The following MACROD2 variants were observed in gnomAD, a reference collection of about 807,000 sequenced individuals.
MACROD2 encodes ADP-ribose glycohydrolase MACROD2.
A neutral mutation model predicts 70.4 loss-of-function variants in MACROD2; 36 were observed. The ratio of observed to expected loss-of-function variants is 0.51; its 90% confidence interval spans 0.39 to 0.68. The LOEUF (loss-of-function observed/expected upper bound fraction) is 0.68, where lower values mean the gene tolerates loss of function less well. Among genes scored for constraint, MACROD2 ranks in the 30% least tolerant of loss-of-function variants. The pLI is 0.00. For missense variants in MACROD2, 496 were observed against 538.4 expected, an observed-to-expected ratio of 0.92 and a Z score of 0.78; for synonymous variants, 172 against 178.8, an observed-to-expected ratio of 0.96 and a Z score of 0.30.
chr20:14,374,936 T>C (rs771246146), intron 3 of MACROD2, among the ~76,000 whole-genome samples: 2 of 152,170 alleles, frequency 1.3e-5, no homozygotes, highest in Non-Finnish European at 2.9e-5. Flanking sequence ...TAGAAAATTG[T>C]GTTTGGGAAA....
rs150638628 is a variant in MACROD2 at position 15,444,846 on chromosome 20, G to A, written c.571+13411G>A. On this transcript the variant is annotated intron_variant, in intron 7 of 17. Transcript: ENST00000684519. ...TAATGTAAAATGAGGTTAATAATGA[G>A]GTTCATATAGGTAATAATGCCTATA... Among the ~76,000 whole-genome samples the A allele has an allele frequency of 2.4e-4, 37 of 152,058 alleles. 2 individuals carry two copies. In the East Asian group the frequency reaches 7.1e-3, roughly 29 times the overall value.
chr20:14,007,493 C>T (rs6110127), intron 2 of MACROD2, among the ~76,000 whole-genome samples: 26,668 of 152,016 alleles, frequency 0.18, 2,560 homozygotes, highest in South Asian at 0.23. Flanking sequence ...TTTGTGCATG[C>T]GCGTGCATGT....
At chr20:15,972,092 G>A (rs545137721) in intron 13 of MACROD2, among the ~76,000 whole-genome samples, 4 of 152,210 alleles carry the variant, frequency 2.6e-5, no homozygotes, top group African/African-American at 9.6e-5. Flanking sequence ...AATTATACTT[G>A]ATGAGAACAG....
chr20:14,762,932 AAAAC>A (rs749076636), intron 5 of MACROD2, among the ~76,000 whole-genome samples: 27 of 152,058 alleles, frequency 1.8e-4, no homozygotes, highest in Admixed American at 1.7e-3. Context: ...TCCGTCTCAA[AAAAC>A]AAACAAACAA....
chr20:16,046,124 C>T (rs955699948), intron 17 of MACROD2, among the ~76,000 whole-genome samples: 2 of 152,148 alleles, frequency 1.3e-5, no homozygotes, highest in African/African-American at 4.8e-5. Flanking sequence ...GTTCTCTACA[C>T]TTTCCTAAGA....
intron 5 of MACROD2, among the ~76,000 whole-genome samples, chr20:15,048,127 T>G (rs4814331): frequency 8.5e-6 from 1 of 117,810 alleles, no homozygotes; most frequent in Non-Finnish European, 2.0e-5. Flanking sequence ...TAATAAAAAA[T>G]TAGCCAGGTG....
intron 8 of MACROD2, among the ~76,000 whole-genome samples, chr20:15,755,668 G>A (rs1407534917): frequency 6.6e-6 from 1 of 152,138 alleles, no homozygotes; most frequent in East Asian, 1.9e-4. Flanking sequence ...TAAACTGGAA[G>A]ACCCTTGAAG....
At chr20:14,725,688 T>C (rs1457591321) in intron 5 of MACROD2, among the ~76,000 whole-genome samples, 4 of 152,038 alleles carry the variant, frequency 2.6e-5, no homozygotes, top group Non-Finnish European at 4.4e-5. Context: ...AGCAAAAAAC[T>C]GAAGCTCCAT....
At chr20:15,786,170 A>C (rs1315518225) in intron 8 of MACROD2, among the ~76,000 whole-genome samples, 2 of 151,670 alleles carry the variant, frequency 1.3e-5, no homozygotes, top group African/African-American at 2.4e-5. Flanking sequence ...TTAAAAAAAA[A>C]AAACCCAGCA....
At chr20:15,694,311 T>C (rs375527852) in intron 8 of MACROD2, among the ~76,000 whole-genome samples, 1 of 152,186 alleles carries the variant, frequency 6.6e-6, no homozygotes, top group East Asian at 1.9e-4. Context: ...ATAGTGGCTG[T>C]GCTAGTTTAC....
At chr20:15,033,827 C>A (rs1279791524) in intron 5 of MACROD2, among the ~76,000 whole-genome samples, 1 of 152,146 alleles carries the variant, frequency 6.6e-6, no homozygotes, top group African/African-American at 2.4e-5. Flanking sequence ...CATAAAATAT[C>A]CACCAGGTTT....
chr20:15,503,743 T>C (rs1001817943), intron 8 of MACROD2, among the ~76,000 whole-genome samples: 10 of 152,192 alleles, frequency 6.6e-5, no homozygotes, highest in African/African-American at 1.9e-4. Context: ...CATGACTGTG[T>C]CTGTCCATTC....
At chr20:15,491,517 G>A (rs535297615) in intron 7 of MACROD2, among the ~76,000 whole-genome samples, 2 of 152,346 alleles carry the variant, frequency 1.3e-5, no homozygotes, top group East Asian at 3.9e-4. Flanking sequence ...AAGAAAGGAA[G>A]CAAATAAAGA....
intron 13 of MACROD2, among the ~76,000 whole-genome samples, chr20:15,968,485 C>G (rs2066175722): frequency 6.6e-6 from 1 of 151,894 alleles, no homozygotes; most frequent in Admixed American, 6.6e-5. Flanking sequence ...AGGCAAAACT[C>G]AAGACTGAGG....
At chr20:14,382,913 G>GA (rs1274901338) in intron 3 of MACROD2, among the ~76,000 whole-genome samples, 1 of 151,796 alleles carries the variant, frequency 6.6e-6, no homozygotes, top group Non-Finnish European at 1.5e-5. Flanking sequence ...TGTCGTAAAA[G>GA]AAAAAAATCA....
intron 6 of MACROD2, among the ~76,000 whole-genome samples, chr20:15,288,093 G>C (rs891743607): frequency 4.6e-5 from 7 of 152,196 alleles, no homozygotes; most frequent in African/African-American, 7.2e-5. Context: ...ATTGACCACT[G>C]TATCAGTCAA....
chr20:14,792,866 A>G (rs1239437852), intron 5 of MACROD2, among the ~76,000 whole-genome samples: 1 of 152,142 alleles, frequency 6.6e-6, no homozygotes, highest in African/African-American at 2.4e-5. Flanking sequence ...AAGCTCTGCT[A>G]CTTTTGCAGT....
chr20:14,071,251 TG>T (rs2053833558), intron 2 of MACROD2, among the ~76,000 whole-genome samples: 1 of 121,338 alleles, frequency 8.2e-6, no homozygotes, highest in Non-Finnish European at 1.8e-5. Context: ...TTTCATCTTG[TG>T]TTTTTTTTTT....
At position 14,128,970 on chromosome 20, in the gene MACROD2, A is replaced by C. The variant is rs917723096; in HGVS notation, c.271+43242A>C. Among the ~76,000 whole-genome samples, 85 of 152,356 alleles carry C rather than the reference A, an allele frequency of 5.6e-4. 1 individual carries two copies. The highest frequency in any genetic ancestry group is 1.9e-3 in the African/African-American group (81 of 41,586). On this transcript the variant is annotated intron_variant, in intron 3 of 17. Transcript: ENST00000684519. ...CATTGACATTGCAACTAGTTACCCA[A>C]AAATTCTGATGAAGATGTACAAAGA...
Sources: gnomAD v4.1 joint callset for allele counts (sites outside exome capture counted in the v4.1 genomes callset) on GRCh38, gnomAD v4.1.1 for gene constraint, MANE v1.5 for transcripts, NCBI Gene and HGNC (gene_info 2026-07-23, HGNC 2026-07-21) for gene names.